Variants in TCAIM observed in about 807,000 individuals in gnomAD.
TCAIM encodes T-cell activation inhibitor, mitochondrial.
TCAIM carries 36 observed loss-of-function variants against 58.6 expected under a neutral mutation model. The observed-to-expected ratio is 0.61, with a 90% confidence interval of 0.47 to 0.81. The LOEUF (loss-of-function observed/expected upper bound fraction) is 0.81. Ranked by LOEUF, TCAIM falls within the 30% of genes least tolerant of loss-of-function variation. The pLI is 0.00. For synonymous variants in TCAIM, 172 were observed against 193.6 expected, an observed-to-expected ratio of 0.89 and a Z score of 0.93; for missense variants, 466 against 579.6, an observed-to-expected ratio of 0.80 and a Z score of 2.01.
In TCAIM at chr3:44,408,549, A is replaced by G. The variant is rs1417151465; in HGVS notation, c.*867A>G. 1 of 151,976 alleles carries G rather than the reference A, an allele frequency of 6.6e-6. No individual in the cohort carries two copies. The highest frequency in any genetic ancestry group is 1.5e-5 in the Non-Finnish European group (1 of 67,956). 9.4% of individuals were successfully genotyped at this position (151,976 alleles called of 1,614,324 possible). ...TTCTCCTATCCATTAAAATATTATA[A>G]TTGTTAGTAGTATGAAACCAACAGG... On this transcript the variant is annotated 3_prime_UTR_variant, in exon 11 of 11. Coordinates refer to ENST00000342649, the MANE Select transcript of TCAIM (RefSeq NM_173826.4).
At chr3:44,367,777 T>C in intron 5 of TCAIM, 69 bp downstream of exon 5, 1 of 1,396,390 alleles carries the variant, frequency 7.2e-7, no homozygotes, top group East Asian at 2.5e-5. Context: ...TTTATTGGGA[T>C]GGCAAAAACA....
intron 5 of TCAIM, among the ~76,000 whole-genome samples, chr3:44,384,433 AC>A (rs1446348378): frequency 4.6e-5 from 7 of 152,234 alleles, no homozygotes; most frequent in Non-Finnish European, 1.0e-4. Context: ...GATTAAGTAC[AC>A]ATTAGATAAT....
intron 5 of TCAIM, among the ~76,000 whole-genome samples, chr3:44,389,788 T>G (rs1219867559): frequency 6.6e-6 from 1 of 151,718 alleles, no homozygotes; most frequent in African/African-American, 2.4e-5. Context: ...GAGGATAAGC[T>G]TCCAGTTCCC....
intron 1 of TCAIM, among the ~76,000 whole-genome samples, chr3:44,351,945 A>T (rs1024249557): frequency 1.3e-5 from 2 of 151,592 alleles, no homozygotes; most frequent in African/African-American, 4.8e-5. Flanking sequence ...TTCATTTAAA[A>T]TTTTCTATCA....
intron 5 of TCAIM, among the ~76,000 whole-genome samples, chr3:44,370,003 T>TA (rs1491253464): frequency 6.6e-6 from 1 of 152,322 alleles, no homozygotes; most frequent in Admixed American, 6.5e-5. Flanking sequence ...TAATGTTAAC[T>TA]AAAAAAATCT....
intron 1 of TCAIM, among the ~76,000 whole-genome samples, chr3:44,349,194 TG>T (rs748271007): frequency 4.6e-5 from 7 of 151,904 alleles, no homozygotes; most frequent in Non-Finnish European, 8.8e-5. Flanking sequence ...AAGAAAGATT[TG>T]GGATGAGTCA....
intron 5 of TCAIM, among the ~76,000 whole-genome samples, chr3:44,389,806 G>C (rs181457295): frequency 2.8e-4 from 42 of 150,168 alleles, no homozygotes; most frequent in Middle Eastern, 7.1e-3. Context: ...CCCTTTCTCA[G>C]CGTGTAAGAC....
At chr3:44,345,323 TAAGAG>T (rs1700944324) in intron 1 of TCAIM, among the ~76,000 whole-genome samples, 2 of 152,132 alleles carry the variant, frequency 1.3e-5, no homozygotes, top group South Asian at 2.1e-4. Context: ...AAGGTCCAAA[TAAGAG>T]AAGGAGAAAA....
chr3:44,386,750 G>A lies in TCAIM; in HGVS notation c.573-6105G>A, dbSNP rs189168038. Among the ~76,000 whole-genome samples, 480 of 152,368 alleles carry A rather than the reference G, an allele frequency of 3.2e-3. 12 individuals carry two copies. Among genetic ancestry groups the A allele is most frequent in the Non-Finnish European group, 5.0e-4 (34 of 68,030 alleles). On this transcript the variant is annotated intron_variant, in intron 5 of 10. Coordinates refer to ENST00000342649, the MANE Select transcript of TCAIM (RefSeq NM_173826.4). ...GGACTTTGGGCGCTGATGAGCACAG[G>A]AGGGAGGCATGGTGAGGGTGGCTGA...
At chr3:44,369,949 A>C (rs538754372) in intron 5 of TCAIM, among the ~76,000 whole-genome samples, 1 of 152,340 alleles carries the variant, frequency 6.6e-6, no homozygotes, top group African/African-American at 2.4e-5. Context: ...TTAGCAGTGA[A>C]TGTAGAGGGC....
intron 5 of TCAIM, among the ~76,000 whole-genome samples, chr3:44,368,467 C>G (rs1294952939): frequency 6.6e-6 from 1 of 152,126 alleles, no homozygotes; most frequent in Non-Finnish European, 1.5e-5. Context: ...TGCTACCTAG[C>G]TAGATTCTAA....
intron 4 of TCAIM, among the ~76,000 whole-genome samples, chr3:44,364,475 C>T (rs772374012): frequency 6.0e-4 from 92 of 152,250 alleles, no homozygotes; most frequent in African/African-American, 1.8e-3. Context: ...CGTGGTGGCT[C>T]ACGCCTGTAA....
upstream of TCAIM, chr3:44,338,523 G>C (rs565380069): frequency 6.5e-6 from 1 of 152,740 alleles, no homozygotes; most frequent in South Asian, 2.1e-4. Context: ...GGCTTGCCTC[G>C]AGCGCCCTGC....
At chr3:44,358,966 T>C in intron 3 of TCAIM, 1 of 985,318 alleles carries the variant, frequency 1.0e-6, no homozygotes, top group Non-Finnish European at 1.2e-6. Flanking sequence ...ATCAGTAAAT[T>C]GAATCAACAG....
chr3:44,368,740 G>C (rs1701419398), intron 5 of TCAIM, among the ~76,000 whole-genome samples: 1 of 152,170 alleles, frequency 6.6e-6, no homozygotes, highest in Non-Finnish European at 1.5e-5. Context: ...AAAAAATGAA[G>C]AGCCTGGCAC....
chr3:44,368,964 G>A (rs778002432), intron 5 of TCAIM, among the ~76,000 whole-genome samples: 14 of 152,040 alleles, frequency 9.2e-5, no homozygotes, highest in Non-Finnish European at 1.3e-4. Flanking sequence ...TTGAGGCTGC[G>A]GTGAACTATG....
chr3:44,353,321 A>G (rs972199024), intron 1 of TCAIM, among the ~76,000 whole-genome samples: 6 of 152,148 alleles, frequency 3.9e-5, no homozygotes, highest in Non-Finnish European at 8.8e-5. Flanking sequence ...TTATCCATTT[A>G]CTTACTGAAG....
intron 5 of TCAIM, among the ~76,000 whole-genome samples, chr3:44,380,697 G>T (rs1701642088): frequency 6.6e-6 from 1 of 151,888 alleles, no homozygotes; most frequent in Non-Finnish European, 1.5e-5. Context: ...AATAGAAAAA[G>T]GATAGAGAAA....
At chr3:44,396,621 GT>G in intron 7 of TCAIM, 121 bp from the exon 8 acceptor site, 1 of 1,407,556 alleles carries the variant, frequency 7.1e-7, no homozygotes. Context: ...GAATAAAGCA[GT>G]GGCATAAAAT....
Sources: allele counts gnomAD v4.1 joint callset (sites outside exome capture counted in the v4.1 genomes callset), GRCh38; gene constraint gnomAD v4.1.1; transcripts MANE v1.5; gene names NCBI Gene and HGNC (gene_info 2026-07-23, HGNC 2026-07-21).